Variants in EPHA2 observed in about 807,000 individuals in gnomAD.
EPHA2 encodes ephrin type-A receptor 2.
Under a neutral mutation model 104.9 loss-of-function variants are expected in EPHA2, and 54 were observed. The ratio of observed to expected loss-of-function variants is 0.51; its 90% confidence interval spans 0.41 to 0.65. The LOEUF is 0.65. Among genes scored for constraint, EPHA2 ranks in the 30% least tolerant of loss-of-function variants. The pLI, the probability that EPHA2 is intolerant of heterozygous loss-of-function variation, is 0.00. For synonymous variants in EPHA2, 560 were observed against 559.1 expected (o/e 1.00, Z -0.02); for missense variants, 1,117 against 1,369.5 (o/e 0.82, Z 2.91).
rs1035787734 is a variant in EPHA2 at position 16,135,353 on chromosome 1, C to T, written c.1429-164G>A. The stretch of plus-strand genomic sequence containing the variant: ...AACTGAGGCTCGGAATTAAGTGACT[C>T]ACTCAAGGTCAGAACCACTAAATGC... On this transcript the variant is annotated intron_variant, in intron 6 of 16. Coordinates refer to ENST00000358432, the MANE Select transcript of EPHA2 (RefSeq NM_004431.5). The surrounding 1 kb of genome is among the most constrained non-coding windows in gnomAD (Gnocchi z 4.3). 1.3e-5 allele frequency among the ~76,000 whole-genome samples: 2 copies of T among 152,196 alleles called. No individual in the cohort carries two copies. The highest frequency in any genetic ancestry group is 2.9e-5 in the Non-Finnish European group (2 of 68,040).
At chr1:16,139,480 G>A (rs1238780262) in intron 3 of EPHA2, among the ~76,000 whole-genome samples, 1 of 152,188 alleles carries the variant, frequency 6.6e-6, no homozygotes, top group Non-Finnish European at 1.5e-5. Flanking sequence ...CCCAGTGCTG[G>A]GTATGCACCA....
chr1:16,133,120 A>G, intron 11 of EPHA2, 60 bp downstream of exon 11: 4 of 1,603,326 alleles, frequency 2.5e-6, no homozygotes, highest in Non-Finnish European at 3.4e-6. Flanking sequence ...GCACAGTCAC[A>G]GACAGAGCCC....
At position 16,124,772 on chromosome 1, in the gene EPHA2, A is replaced by G. The variant is rs113810531; in HGVS notation, c.*443T>C. 2,841 of 189,478 alleles carry G rather than the reference A, an allele frequency of 0.015. 92 individuals are homozygous for G. Among genetic ancestry groups the G allele is most frequent in the African/African-American group, 0.06 (2,602 of 43,676 alleles). 11.7% of individuals were successfully genotyped at this position (189,478 alleles called of 1,614,324 possible). ...AGGGACAGGGACCGCTTTGGGTCTC[A>G]CCCAGTCAAGTTCACAGTCTGCCCT... On this transcript the variant is annotated 3_prime_UTR_variant, in exon 17 of 17. Transcript: ENST00000358432.
chr1:16,133,999 T>C, intron 8 of EPHA2, 84 bp from the exon 9 acceptor site: 1 of 1,417,800 alleles, frequency 7.1e-7, no homozygotes. Context: ...CCTACTTTGG[T>C]CCTAGGAGGA....
rs1327834584 is a variant in EPHA2 at position 16,150,320 on chromosome 1, G to A, written c.153+576C>T. Among the ~76,000 whole-genome samples the A allele has an allele frequency of 6.6e-6, 1 of 152,320 alleles. No individual in the cohort carries two copies. The highest frequency in any genetic ancestry group is 2.4e-5 in the African/African-American group (1 of 41,580). ...ACACAGCAGACACACACAGCCAGGGGAAGAACCCCCAGCCCCTGCCCCCAT... is the reference window on the plus strand; with the variant it reads ...ACACAGCAGACACACACAGCCAGGGAAAGAACCCCCAGCCCCTGCCCCCAT... On this transcript the variant is annotated intron_variant, in intron 2 of 16. Transcript: ENST00000358432. This position sits in a 1 kb window ranked among gnomAD's most constrained non-coding sequence, Gnocchi z 4.8.
At chr1:16,139,465 C>A (rs1315574161) in intron 3 of EPHA2, among the ~76,000 whole-genome samples, 1 of 152,170 alleles carries the variant, frequency 6.6e-6, no homozygotes, top group African/African-American at 2.4e-5. Context: ...TGTGCCTGGC[C>A]CACCCCCAGT....
chr1:16,146,015 A>G (rs111608983), intron 3 of EPHA2, among the ~76,000 whole-genome samples: 7,494 of 152,220 alleles, frequency 0.049, 613 homozygotes, highest in African/African-American at 0.17. Context: ...CCCTCGGACG[A>G]CACCCGTCTA....
At chr1:16,136,185 T>G (rs1230289678) in intron 5 of EPHA2, among the ~76,000 whole-genome samples, 1 of 151,956 alleles carries the variant, frequency 6.6e-6, no homozygotes, top group Non-Finnish European at 1.5e-5. Flanking sequence ...GCTCTTTAGA[T>G]CCCAACCTAG....
chr1:16,129,340 T>C (rs972200606), intron 16 of EPHA2, 94 bp downstream of exon 16: 30 of 1,407,896 alleles, frequency 2.1e-5, no homozygotes, highest in Admixed American at 1.0e-4. Context: ...GAGAGGAGCA[T>C]TGAGGGGCAG....
At chr1:16,136,444 A>G (rs1326816882) in intron 5 of EPHA2, among the ~76,000 whole-genome samples, 2 of 150,914 alleles carry the variant, frequency 1.3e-5, no homozygotes, top group African/African-American at 4.9e-5. Flanking sequence ...ACATGGAGAA[A>G]CCCCGTCTCT....
In EPHA2 at chr1:16,128,019, G is replaced by A. The variant is rs186337364; in HGVS notation, c.2825+1415C>T. Among the ~76,000 whole-genome samples the A allele has an allele frequency of 6.0e-3, 917 of 152,334 alleles. 2 individuals are homozygous for A. Among genetic ancestry groups the A allele is most frequent in the Non-Finnish European group, 9.8e-3 (665 of 68,036 alleles). On this transcript the variant is annotated intron_variant, in intron 16 of 16. Transcript: ENST00000358432. This position sits in a 1 kb window ranked among gnomAD's most constrained non-coding sequence, Gnocchi z 4.7. Reference sequence around the variant, plus strand: ...GTGGGAGCCCCTGGAGGAGCAAAGGGTCTGGTGGATGTTCCCAGGAAAAAG... The same window carrying A: ...GTGGGAGCCCCTGGAGGAGCAAAGGATCTGGTGGATGTTCCCAGGAAAAAG...
chr1:16,148,619 G>A lies in EPHA2; in HGVS notation c.582C>T (p.Val194=). The change falls in exon 3 of 17, where the codon GTC becomes GTT. Residue 194 remains valine (V), a synonymous_variant. Transcript: ENST00000358432. This position sits in a 1 kb window ranked among gnomAD's most constrained non-coding sequence, Gnocchi z 4.9. ...CGGGGCACTTCTTGTAGTAGACACGGACGGAGAGCAGCGCCACACAGGCAC... is the reference window on the plus strand; with the variant it reads ...CGGGGCACTTCTTGTAGTAGACACGAACGGAGAGCAGCGCCACACAGGCAC... ...DIGACVALLS[V]RVYYKKCPEL... is the part of the protein sequence containing the mutation. 6.2e-7 allele frequency: 1 copy of A among 1,608,852 alleles called. No homozygotes were observed. Among genetic ancestry groups the A allele is most frequent in the African/African-American group, 1.3e-5 (1 of 75,078 alleles).
rs370265725 is a variant in EPHA2 at position 16,135,024 on chromosome 1, C to T, written c.1582+12G>A. 2.5e-6 allele frequency: 4 copies of T among 1,611,140 alleles called. No individual in the cohort carries two copies. In the South Asian group the frequency reaches 3.3e-5, roughly 13 times the overall value. On this transcript the variant is annotated intron_variant, in intron 7 of 16. Coordinates refer to ENST00000358432, the MANE Select transcript of EPHA2 (RefSeq NM_004431.5). This position sits in a 1 kb window ranked among gnomAD's most constrained non-coding sequence, Gnocchi z 4.3. ...CCCTGGCCTGGTCCATGCCCAGGGT[C>T]CCCCAACTCACACAGCGTCTGGAAT...
chr1:16,151,044 C>T (rs1326614973), intron 1 of EPHA2, 81 bp from the exon 2 acceptor site: 1 of 1,403,212 alleles, frequency 7.1e-7, no homozygotes, highest in Non-Finnish European at 1.0e-6. Flanking sequence ...AGGATCCCTC[C>T]AGGAACCCCA....
intron 3 of EPHA2, 30 bp from the exon 4 acceptor site, chr1:16,138,460 G>A: frequency 6.2e-7 from 1 of 1,612,928 alleles, no homozygotes. Context: ...CAGAGCACAA[G>A]GACATCAGTT....
chr1:16,153,277 G>A (rs1569618366), intron 1 of EPHA2: 3 of 985,372 alleles, frequency 3.0e-6, no homozygotes, highest in Middle Eastern at 5.2e-4. Flanking sequence ...CGCAGCCTCC[G>A]AGGCTGTGGT....
rs757386531 is a variant in EPHA2 at position 16,148,368 on chromosome 1, C to T, written c.823+10G>A. On this transcript the variant is annotated intron_variant, in intron 3 of 16. Coordinates refer to ENST00000358432, the MANE Select transcript of EPHA2 (RefSeq NM_004431.5). This position sits in a 1 kb window ranked among gnomAD's most constrained non-coding sequence, Gnocchi z 4.9. ...AACCCCCTTCCCTGCAACCCAGAAC[C>T]GTCACTCACCCTGGCAGGCATCCTC... is the stretch of plus-strand genomic sequence containing the variant. The T allele has an allele frequency of 4.3e-6, 7 of 1,613,256 alleles. No individual in the cohort carries two copies. Among genetic ancestry groups the T allele is most frequent in the East Asian group, 2.2e-5 (1 of 44,886 alleles).
At position 16,134,073 on chromosome 1, in the gene EPHA2, G is replaced by A. The variant is rs1247475667; in HGVS notation, c.1683-158C>T. 6.6e-6 allele frequency among the ~76,000 whole-genome samples: 1 copy of A among 152,152 alleles called. No homozygotes were observed. Among genetic ancestry groups the A allele is most frequent in the Non-Finnish European group, 1.5e-5 (1 of 68,000 alleles). ...CTGCCCAAGCTCCACTCTCAGGGCCGAGGGTGCGGAGAAGGCGGGTGGAGG... is the reference window on the plus strand; with the variant it reads ...CTGCCCAAGCTCCACTCTCAGGGCCAAGGGTGCGGAGAAGGCGGGTGGAGG... On this transcript the variant is annotated intron_variant, in intron 8 of 16. Coordinates refer to ENST00000358432, the MANE Select transcript of EPHA2 (RefSeq NM_004431.5). The surrounding 1 kb of genome is among the most constrained non-coding windows in gnomAD (Gnocchi z 4.5).
Position 16,150,626 on chromosome 1 carries a change from C to A in EPHA2, c.153+270G>T, listed in dbSNP as rs1049780052. Among the ~76,000 whole-genome samples the A allele has an allele frequency of 3.3e-5, 5 of 152,180 alleles. No individual in the cohort carries two copies. The highest frequency in any genetic ancestry group is 7.3e-5 in the Non-Finnish European group (5 of 68,032). ...TCAGCCCTTCTGGAACATGGAAGGC[C>A]CAGCTCCGCTAGGGCCTTCTCTGTC... On this transcript the variant is annotated intron_variant, in intron 2 of 16. Coordinates refer to ENST00000358432, the MANE Select transcript of EPHA2 (RefSeq NM_004431.5). This position sits in a 1 kb window ranked among gnomAD's most constrained non-coding sequence, Gnocchi z 4.8.
Sources: gnomAD v4.1 joint callset for allele counts (sites outside exome capture counted in the v4.1 genomes callset) on GRCh38, gnomAD v4.1.1 for gene constraint, Gnocchi (gnomAD v3.1) non-coding constraint, MANE v1.5 for transcripts, NCBI Gene and HGNC (gene_info 2026-07-23, HGNC 2026-07-21) for gene names.